The following PSAP variants were observed in gnomAD, a reference collection of about 807,000 sequenced individuals.
PSAP encodes prosaposin, also known as precursor of saposins.
A neutral mutation model predicts 66.0 loss-of-function variants in PSAP; 25 were observed. That is an observed-to-expected ratio of 0.38 (90% CI 0.28 to 0.53). The LOEUF (loss-of-function observed/expected upper bound fraction) is 0.53, where lower values mean the gene tolerates loss of function less well. Ranked by LOEUF, PSAP falls within the 20% of genes least tolerant of loss-of-function variation. PSAP has a pLI of 0.83. For missense variants in PSAP, 649 were observed against 668.8 expected (o/e 0.97, Z 0.33); for synonymous variants, 273 against 258.9 (o/e 1.05, Z -0.52).
intron 13 of PSAP, 72 bp from the exon 14 acceptor site, chr10:71,817,548 A>G (rs977884584): frequency 1.4e-6 from 2 of 1,444,546 alleles, no homozygotes; most frequent in African/African-American, 1.4e-5. Flanking sequence ...AATGTATCAG[A>G]TATCACCCCA....
At position 71,821,988 on chromosome 10, in the gene PSAP, G is replaced by T; in HGVS notation, c.797C>A (p.Ala266Glu). 1 of 1,614,092 alleles carries T rather than the reference G, an allele frequency of 6.2e-7. No individual in the cohort carries two copies. Among genetic ancestry groups the T allele is most frequent in the Non-Finnish European group, 8.5e-7 (1 of 1,180,012 alleles). Residue 266 changes from alanine to glutamate, a missense_variant, in exon 8 of 14, where the codon GCG (alanine) becomes GAG (glutamate). By Grantham distance (107) the Ala-to-Glu change is moderately radical. Coordinates refer to ENST00000394936, the MANE Select transcript of PSAP (RefSeq NM_002778.4). ...CACCTCATCACAGAACCCAACCAGC[G>T]CACAGATCTCCTTGGGTTGCTGAAG... The part of the protein sequence containing the change: ...MMHMQPKEIC[A>E]LVGFCDEVKE...
intron 9 of PSAP, 37 bp downstream of exon 9, chr10:71,820,203 C>T: frequency 1.3e-6 from 2 of 1,552,600 alleles, no homozygotes; most frequent in East Asian, 2.2e-5. Flanking sequence ...CTCGGGGGGG[C>T]AGGAGAGGCC....
intron 8 of PSAP, among the ~76,000 whole-genome samples, chr10:71,820,916 C>T (rs574583952): frequency 7.9e-5 from 12 of 152,392 alleles, no homozygotes; most frequent in African/African-American, 2.9e-4. Flanking sequence ...GCTACCTGTG[C>T]ACTGAGCACC....
chr10:71,825,759 T>A, intron 7 of PSAP, 78 bp downstream of exon 7: 1 of 1,386,378 alleles, frequency 7.2e-7, no homozygotes, highest in Non-Finnish European at 1.0e-6. Flanking sequence ...CTAAACCATA[T>A]AATTTTCAAA....
rs1267950469 is a variant in PSAP at position 71,831,114 on chromosome 10, C to A, written c.375+12G>T. The A allele has an allele frequency of 6.2e-7, 1 of 1,613,872 alleles. No homozygotes were observed. Among genetic ancestry groups the A allele is most frequent in the South Asian group, 1.1e-5 (1 of 91,060 alleles). On this transcript the variant is annotated intron_variant, in intron 4 of 13. Transcript: ENST00000394936. ...AGCACCTTCAAGGAAAAGCCTATTC[C>A]CCATCACTTACCATTTCTCCTTTAA...
At chr10:71,823,001 A>C (rs1842335728) in intron 7 of PSAP, among the ~76,000 whole-genome samples, 1 of 151,886 alleles carries the variant, frequency 6.6e-6, no homozygotes, top group African/African-American at 2.4e-5. Flanking sequence ...AAGATACAGC[A>C]AGCTTTTTAG....
intron 2 of PSAP, 136 bp downstream of exon 2, chr10:71,834,236 C>T: frequency 1.4e-6 from 2 of 1,407,640 alleles, no homozygotes; most frequent in Non-Finnish European, 2.0e-6. Flanking sequence ...GTCCTGCCTC[C>T]CACACAGAGT....
At chr10:71,824,197 G>C (rs1842358437) in intron 7 of PSAP, among the ~76,000 whole-genome samples, 1 of 152,132 alleles carries the variant, frequency 6.6e-6, no homozygotes, top group Non-Finnish European at 1.5e-5. Flanking sequence ...ACACTGTGTA[G>C]CAAGAGCCCC....
intron 1 of PSAP, among the ~76,000 whole-genome samples, chr10:71,848,217 C>T (rs1842856827): frequency 6.6e-6 from 1 of 152,202 alleles, no homozygotes; most frequent in Non-Finnish European, 1.5e-5. Flanking sequence ...TGAACAGGGG[C>T]CTCTGGATGC....
chr10:71,819,023 A>AG lies in PSAP; in HGVS notation c.1431+7dup. 1.9e-6 allele frequency: 3 copies of AG among 1,613,126 alleles called. No individual in the cohort carries two copies. Among genetic ancestry groups the AG allele is most frequent in the Non-Finnish European group, 2.5e-6 (3 of 1,179,154 alleles). On this transcript the variant is annotated splice_region_variant and intron_variant, in intron 12 of 13. Transcript: ENST00000394936. ...CCCGAGAGGACCACACCACCCAGTGAGGCTCACCAAGCACACGAAGGAAGG... is the reference window on the plus strand; with the variant it reads ...CCCGAGAGGACCACACCACCCAGTGAGGGCTCACCAAGCACACGAAGGAAGG...
chr10:71,847,167 T>C (rs1842838744), intron 1 of PSAP, among the ~76,000 whole-genome samples: 1 of 152,062 alleles, frequency 6.6e-6, no homozygotes, highest in Non-Finnish European at 1.5e-5. Flanking sequence ...CAAAACAACC[T>C]GTCAGGGCCG....
chr10:71,840,969 A>T (rs1842723020), intron 1 of PSAP, among the ~76,000 whole-genome samples: 1 of 152,260 alleles, frequency 6.6e-6, no homozygotes, highest in Non-Finnish European at 1.5e-5. Context: ...AACTCCTAAC[A>T]AAGCTTTTCT....
At chr10:71,835,630 G>C (rs1363078061) in intron 1 of PSAP, among the ~76,000 whole-genome samples, 1 of 151,748 alleles carries the variant, frequency 6.6e-6, no homozygotes, top group Non-Finnish European at 1.5e-5. Flanking sequence ...CTTGATTTTA[G>C]AACCAAAAAA....
chr10:71,842,039 G>A (rs1391286967), intron 1 of PSAP, among the ~76,000 whole-genome samples: 1 of 152,048 alleles, frequency 6.6e-6, no homozygotes, highest in Non-Finnish European at 1.5e-5. Flanking sequence ...TCTCCGCATG[G>A]GTTAGCTATT....
At chr10:71,827,937 T>C (rs1842425936) in intron 6 of PSAP, 77 bp downstream of exon 6, 2 of 1,583,758 alleles carry the variant, frequency 1.3e-6, no homozygotes, top group Non-Finnish European at 1.7e-6. Context: ...GGATGTTGTC[T>C]GAACGCCCTA....
At chr10:71,828,801 G>T in intron 5 of PSAP, 76 bp downstream of exon 5, 2 of 1,517,244 alleles carry the variant, frequency 1.3e-6, no homozygotes, top group Non-Finnish European at 1.8e-6. Context: ...AACCACACGT[G>T]CCCTCTCTGT....
At chr10:71,820,061 C>T (rs1842267383) in intron 9 of PSAP, among the ~76,000 whole-genome samples, 161 bp from the exon 10 acceptor site, 1 of 152,186 alleles carries the variant, frequency 6.6e-6, no homozygotes, top group Admixed American at 6.5e-5. Context: ...GTGTCCACCT[C>T]CCCGGACCCC....
In PSAP at chr10:71,825,884, A is replaced by C; in HGVS notation, c.730T>G (p.Tyr244Asp). The C allele has an allele frequency of 6.2e-7, 1 of 1,613,558 alleles. No individual in the cohort carries two copies. The part of the protein sequence containing the change: ...GPGMADICKN[Y>D]ISQYSEIAIQ... ...GCAATTTCAGAATACTGGCTGATAT[A>C]GTTCTTGCACTGAGGAGAGAGAAAC... Residue 244 changes from tyrosine to aspartate, a missense_variant, in exon 7 of 14, where the codon TAT becomes GAT. Physicochemically the swap from Tyr to Asp is radical, Grantham distance 160. Coordinates refer to ENST00000394936, the MANE Select transcript of PSAP (RefSeq NM_002778.4).
intron 2 of PSAP, 58 bp from the exon 3 acceptor site, chr10:71,831,978 A>G (rs1842530256): frequency 1.3e-6 from 2 of 1,498,514 alleles, no homozygotes; most frequent in Non-Finnish European, 1.9e-6. Flanking sequence ...CACCCCACAC[A>G]GCTGGAACTC....
Sources: gnomAD v4.1 joint callset for allele counts (sites outside exome capture counted in the v4.1 genomes callset) on GRCh38, gnomAD v4.1.1 for gene constraint, MANE v1.5 for transcripts, NCBI Gene and HGNC (gene_info 2026-07-23, HGNC 2026-07-21) for gene names.